Variants in EXOC6 observed in about 807,000 individuals in gnomAD.
EXOC6 encodes the protein exocyst complex component 6.
EXOC6 carries 60 observed loss-of-function variants against 112.5 expected under a neutral mutation model. The ratio of observed to expected loss-of-function variants is 0.53; its 90% CI spans 0.43 to 0.66. The LOEUF (loss-of-function observed/expected upper bound fraction) is 0.66. Ranked by LOEUF, EXOC6 falls within the 30% of genes least tolerant of loss-of-function variation. The pLI is 0.00. For synonymous variants in EXOC6, 295 were observed against 308.0 expected (o/e 0.96, Z 0.44); for missense variants, 855 against 957.1 (o/e 0.89, Z 1.41).
intron 17 of EXOC6, among the ~76,000 whole-genome samples, chr10:92,966,580 T>G (rs943944242): frequency 6.6e-6 from 1 of 151,478 alleles, no homozygotes; most frequent in South Asian, 2.1e-4. Context: ...AGAATGATGA[T>G]TTCCACTTTC....
chr10:93,041,505 C>T (rs1318626381), intron 20 of EXOC6, among the ~76,000 whole-genome samples: 1 of 151,970 alleles, frequency 6.6e-6, no homozygotes, highest in African/African-American at 2.4e-5. Flanking sequence ...AATTCTTCTG[C>T]CTCAGCCTCC....
At chr10:92,861,150 A>G (rs1283510994) in intron 1 of EXOC6, among the ~76,000 whole-genome samples, 1 of 152,326 alleles carries the variant, frequency 6.6e-6, no homozygotes, top group East Asian at 1.9e-4. Context: ...GTGCTTCTCC[A>G]CACTCTGTTC....
rs1854075406 is a variant in EXOC6, at chr10:92,962,671, G to A, written c.1773+6957G>A. 2.0e-5 allele frequency among the ~76,000 whole-genome samples: 3 copies of A among 152,164 alleles called. No homozygotes were observed. In the South Asian group the frequency reaches 6.2e-4, roughly 32 times the overall value. On this transcript the variant is annotated intron_variant, in intron 17 of 21. Coordinates refer to ENST00000260762, the MANE Select transcript of EXOC6 (RefSeq NM_019053.6). ...GCCTCCCAAAGTGCTGGGATTACAC[G>A]TGTAAGCCGCTGTCAGGCCCTAAAG...
At chr10:92,939,723 GAT>G (rs944136359) in intron 12 of EXOC6, among the ~76,000 whole-genome samples, 3 of 152,028 alleles carry the variant, frequency 2.0e-5, no homozygotes, top group Non-Finnish European at 2.9e-5. Context: ...AAAGGTTAGA[GAT>G]AGAAGTTACA....
chr10:92,842,021 G>C (rs1040650827), intron 1 of EXOC6, among the ~76,000 whole-genome samples: 1 of 151,846 alleles, frequency 6.6e-6, no homozygotes, highest in African/African-American at 2.4e-5. Context: ...TTAGTGAAAA[G>C]AGCCAGAAAT....
chr10:93,050,744 A>C (rs1846240613), intron 20 of EXOC6, among the ~76,000 whole-genome samples: 2 of 94,254 alleles, frequency 2.1e-5, no homozygotes. Context: ...TGGGCAACAA[A>C]GCGAGACTCC....
intron 18 of EXOC6, among the ~76,000 whole-genome samples, chr10:92,984,874 C>T (rs1411287187): frequency 2.0e-5 from 3 of 152,020 alleles, no homozygotes; most frequent in Admixed American, 2.0e-4. Context: ...TGGCACACAC[C>T]TGTAGTCCCA....
chr10:92,980,376 G>T (rs931976262), intron 18 of EXOC6, among the ~76,000 whole-genome samples: 25 of 152,164 alleles, frequency 1.6e-4, no homozygotes, highest in African/African-American at 6.0e-4. Flanking sequence ...GTCTGGCAGG[G>T]TACTTGGCAA....
intron 7 of EXOC6, among the ~76,000 whole-genome samples, chr10:92,919,193 AC>A (rs1409610529): frequency 6.6e-6 from 1 of 151,724 alleles, no homozygotes; most frequent in African/African-American, 2.4e-5. Context: ...ATCATGCCTT[AC>A]CCCCAGACCT....
At chr10:92,973,735 G>A (rs143302786) in intron 17 of EXOC6, among the ~76,000 whole-genome samples, 40 of 152,166 alleles carry the variant, frequency 2.6e-4, no homozygotes, top group Non-Finnish European at 4.6e-4. Flanking sequence ...GGCAACTTTC[G>A]TTTTTCTACT....
intron 18 of EXOC6, among the ~76,000 whole-genome samples, chr10:92,982,325 C>T (rs1193125632): frequency 6.6e-6 from 1 of 152,100 alleles, no homozygotes; most frequent in Non-Finnish European, 1.5e-5. Context: ...TAAATGGCCT[C>T]AAGATCATGT....
At chr10:92,956,570 A>G (rs1001466562) in intron 17 of EXOC6, among the ~76,000 whole-genome samples, 1 of 152,154 alleles carries the variant, frequency 6.6e-6, no homozygotes, top group Non-Finnish European at 1.5e-5. Flanking sequence ...TGTGAAGTCC[A>G]CAAACAACCC....
upstream of EXOC6, among the ~76,000 whole-genome samples, chr10:92,830,722 C>G (rs775245475): frequency 6.6e-6 from 1 of 152,170 alleles, no homozygotes; most frequent in Non-Finnish European, 1.5e-5. Flanking sequence ...AGGGGACCCA[C>G]AAGATCACCC....
At chr10:92,847,080 A>C (rs746687031), upstream of EXOC6, among the ~76,000 whole-genome samples, 1 of 152,254 alleles carries the variant, frequency 6.6e-6, no homozygotes, top group Non-Finnish European at 1.5e-5. Flanking sequence ...GTCTCTAGCA[A>C]GGAACACAGA....
chr10:93,011,773 G>A (rs1482668995), intron 19 of EXOC6, among the ~76,000 whole-genome samples: 1 of 152,082 alleles, frequency 6.6e-6, no homozygotes, highest in African/African-American at 2.4e-5. Flanking sequence ...TGATACTAGA[G>A]AAAGGCAACT....
intron 5 of EXOC6, among the ~76,000 whole-genome samples, chr10:92,907,159 A>G (rs1202269521): frequency 6.6e-6 from 1 of 152,180 alleles, no homozygotes; most frequent in Admixed American, 6.5e-5. Flanking sequence ...GTATAATCCT[A>G]GGGAAGTTCT....
intron 20 of EXOC6, among the ~76,000 whole-genome samples, chr10:93,051,324 T>C (rs1269827432): frequency 6.6e-6 from 1 of 152,216 alleles, no homozygotes; most frequent in Admixed American, 6.5e-5. Flanking sequence ...TGCTCAGAAC[T>C]CACTCCTAGT....
At chr10:92,962,979 A>C (rs1854101004) in intron 17 of EXOC6, among the ~76,000 whole-genome samples, 1 of 152,172 alleles carries the variant, frequency 6.6e-6, no homozygotes, top group African/African-American at 2.4e-5. Context: ...CTGGACCCTG[A>C]AGGCATTTAA....
At chr10:92,975,745 G>A (rs1842544401) in intron 18 of EXOC6, among the ~76,000 whole-genome samples, 1 of 135,206 alleles carries the variant, frequency 7.4e-6, no homozygotes, top group South Asian at 2.4e-4. Context: ...GGGAGGTCGG[G>A]GGGCCAGCCC....
Sources: allele counts gnomAD v4.1 joint callset (sites outside exome capture counted in the v4.1 genomes callset), GRCh38; gene constraint gnomAD v4.1.1; transcripts MANE v1.5; gene names NCBI Gene and HGNC (gene_info 2026-07-23, HGNC 2026-07-21).